Variants in SCMH1 observed in about 807,000 individuals in gnomAD.
SCMH1 encodes Scm polycomb group protein homolog 1.
In SCMH1, 37 loss-of-function variants were observed where a neutral mutation model predicts 70.8. The ratio of observed to expected loss-of-function variants is 0.52; its 90% CI spans 0.40 to 0.69. The LOEUF is 0.69. SCMH1 is among the 30% of genes least tolerant of loss of function. The probability of loss-of-function intolerance (pLI) is 0.00; values close to 1 mark genes in which losing one functional copy is unlikely to be tolerated. For missense variants in SCMH1, 607 were observed against 827.3 expected (o/e 0.73, Z 3.27); for synonymous variants, 292 against 307.4 (o/e 0.95, Z 0.52).
chr1:41,093,428 AGTTAGTGG>A (rs1664203608), intron 8 of SCMH1, among the ~76,000 whole-genome samples: 1 of 151,756 alleles, frequency 6.6e-6, no homozygotes, highest in Non-Finnish European at 1.5e-5. Context: ...GTAAATGACG[AGTTAGTGG>A]GTGCAGCACA....
chr1:41,063,465 T>C (rs1471098448), intron 10 of SCMH1, among the ~76,000 whole-genome samples: 1 of 151,978 alleles, frequency 6.6e-6, no homozygotes, highest in African/African-American at 2.4e-5. Flanking sequence ...AGAGCGAGAC[T>C]CTGTCTAAAA....
At position 41,189,142 on chromosome 1, in the gene SCMH1, TTTG is replaced by T. The variant is rs879910780; in HGVS notation, c.-117-2895_-117-2893del. Among the ~76,000 whole-genome samples, 17 of 152,264 alleles carry T rather than the reference TTTG, an allele frequency of 1.1e-4. No individual in the cohort carries two copies. The South Asian group carries it at 2.9e-3, about 26-fold the overall frequency. ...GCCACTCTCTCATTAACAAGTTTTT[TTTG>T]TTGTTGTTGTTACTTTGTTTTGAGA... On this transcript the variant is annotated intron_variant, in intron 1 of 14. Transcript: ENST00000337495.
intron 8 of SCMH1, among the ~76,000 whole-genome samples, chr1:41,104,185 T>A (rs566435434): frequency 1.3e-5 from 2 of 152,262 alleles, no homozygotes; most frequent in African/African-American, 4.8e-5. Flanking sequence ...AATCATTCAA[T>A]CAACTGGGGA....
chr1:41,052,049 C>A (rs999984203), intron 10 of SCMH1, among the ~76,000 whole-genome samples: 1 of 152,158 alleles, frequency 6.6e-6, no homozygotes, highest in African/African-American at 2.4e-5. Context: ...TCCTTTTTAT[C>A]TTTATACATG....
intron 1 of SCMH1, among the ~76,000 whole-genome samples, chr1:41,232,667 C>T (rs1011050533): frequency 2.0e-5 from 3 of 152,162 alleles, no homozygotes; most frequent in African/African-American, 4.8e-5. Context: ...AGAGGTGATA[C>T]TACCTATATG....
intron 5 of SCMH1, among the ~76,000 whole-genome samples, chr1:41,143,412 A>G (rs935964068): frequency 6.6e-6 from 1 of 152,180 alleles, no homozygotes; most frequent in African/African-American, 2.4e-5. Context: ...CCTTCCAGGT[A>G]GGGACTTTTA....
intron 12 of SCMH1, among the ~76,000 whole-genome samples, chr1:41,038,771 C>A (rs1205261505): frequency 6.6e-6 from 1 of 152,114 alleles, no homozygotes; most frequent in Non-Finnish European, 1.5e-5. Context: ...AGGGTTCTGT[C>A]TCCTATTTTC....
At chr1:41,154,202 G>A (rs1294136387) in intron 4 of SCMH1, among the ~76,000 whole-genome samples, 1 of 152,190 alleles carries the variant, frequency 6.6e-6, no homozygotes, top group Non-Finnish European at 1.5e-5. Context: ...AAAGTTCTGG[G>A]CCTCACCTTC....
chr1:41,035,495 T>G (rs1364531447), intron 13 of SCMH1, among the ~76,000 whole-genome samples: 1 of 152,214 alleles, frequency 6.6e-6, no homozygotes, highest in African/African-American at 2.4e-5. Context: ...CCATCTTCTT[T>G]AAGACTAGTC....
rs535813681 is a variant in SCMH1 at position 41,147,406 on chromosome 1, G to T, written c.177+4208C>A. ...AGACTATTAATAAATGCCCTTTAGA[G>T]TTTAGGATTTAGAAAGTTCCCTTCT... On this transcript the variant is annotated intron_variant, in intron 5 of 14. Coordinates refer to ENST00000337495, the Ensembl canonical transcript of SCMH1. Among the ~76,000 whole-genome samples the T allele has an allele frequency of 5.9e-5, 9 of 152,244 alleles. No homozygotes were observed. The South Asian group carries it at 1.9e-3, about 32-fold the overall frequency.
chr1:41,222,839 G>T (rs1399767103), intron 1 of SCMH1, among the ~76,000 whole-genome samples: 1 of 152,158 alleles, frequency 6.6e-6, no homozygotes, highest in Non-Finnish European at 1.5e-5. Flanking sequence ...TTTTTCAAAG[G>T]ATACTTCTGT....
At chr1:41,237,861 T>G (rs1387767275) in intron 1 of SCMH1, among the ~76,000 whole-genome samples, 3 of 152,212 alleles carry the variant, frequency 2.0e-5, no homozygotes, top group African/African-American at 7.2e-5. Flanking sequence ...TGTTCTATTT[T>G]ATAACTTAGG....
intron 1 of SCMH1, among the ~76,000 whole-genome samples, chr1:41,210,295 C>T (rs80260896): frequency 6.6e-6 from 1 of 152,114 alleles, no homozygotes; most frequent in Non-Finnish European, 1.5e-5. Flanking sequence ...AGGTACTTTA[C>T]AGATTCAACG....
intron 10 of SCMH1, among the ~76,000 whole-genome samples, chr1:41,059,177 G>A (rs190066844): frequency 2.6e-5 from 4 of 152,218 alleles, no homozygotes; most frequent in Non-Finnish European, 1.5e-5. Flanking sequence ...GATACAGACA[G>A]GAGACAGGGA....
rs577971832 is a variant in SCMH1 at position 41,164,434 on chromosome 1, AG to A, written c.14-3003del. ...ATATACTCTCCCCAACTTCACTCTT[AG>A]GGGATGACTTTAATTCAGATTCATT... On this transcript the variant is annotated intron_variant, in intron 2 of 14. Transcript: ENST00000337495. Among the ~76,000 whole-genome samples the A allele has an allele frequency of 7.0e-4, 52 of 74,698 alleles. No homozygotes were observed. In the East Asian group the frequency reaches 0.025, roughly 35 times the overall value. The allele number at this position is 74,698 out of a possible 152,430, so 49.0% of individuals were successfully genotyped here. A position where few individuals can be genotyped will look rare whatever the true frequency, so the allele number is the denominator to read the frequency against.
At chr1:41,043,546 C>CTGAAGTGAG (rs1296760131) in intron 12 of SCMH1, 1 of 151,760 alleles carries the variant, frequency 6.6e-6, no homozygotes, top group Non-Finnish European at 1.5e-5. Flanking sequence ...CCTCAGCCTC[C>CTGAAGTGAG]TGAGTAGCTG....
At chr1:41,058,118 C>CAAAAAA (rs201623540) in intron 10 of SCMH1, among the ~76,000 whole-genome samples, 88 of 54,792 alleles carry the variant, frequency 1.6e-3, no homozygotes, top group African/African-American at 5.8e-3. Flanking sequence ...GAGATTGTCT[C>CAAAAAA]AAAAAAAAAA....
At chr1:41,042,305 A>G (rs1371518984) in intron 12 of SCMH1, among the ~76,000 whole-genome samples, 1 of 151,428 alleles carries the variant, frequency 6.6e-6, no homozygotes, top group Non-Finnish European at 1.5e-5. Flanking sequence ...CTGGAGTGCA[A>G]TGGTGCGATC....
At chr1:41,124,716 C>A (rs761495222) in intron 6 of SCMH1, among the ~76,000 whole-genome samples, 139 of 151,730 alleles carry the variant, frequency 9.2e-4, no homozygotes, top group Admixed American at 2.6e-3. Context: ...CAGGTGATCC[C>A]CCTGAGCAAC....
Sources: allele counts gnomAD v4.1 joint callset (sites outside exome capture counted in the v4.1 genomes callset), GRCh38; gene constraint gnomAD v4.1.1; transcripts MANE v1.5; gene names NCBI Gene and HGNC (gene_info 2026-07-23, HGNC 2026-07-21).